MAP3K4: variants seen among roughly 807,000 people sequenced by gnomAD.
MAP3K4 encodes the protein MAP three kinase 1.
In MAP3K4, 67 loss-of-function variants were observed where a neutral mutation model predicts 185.6. That is an observed-to-expected ratio of 0.36 (90% CI 0.30 to 0.44). The LOEUF is 0.44. Among genes scored for constraint, MAP3K4 ranks in the 20% least tolerant of loss-of-function variants. MAP3K4 has a pLI of 1.00. For missense variants in MAP3K4, 1,551 were observed against 1,995.1 expected (o/e 0.78, Z 4.24); for synonymous variants, 702 against 710.4 (o/e 0.99, Z 0.19).
At chr6:161,021,916 T>G (rs538057298) in intron 1 of MAP3K4, among the ~76,000 whole-genome samples, 1 of 150,964 alleles carries the variant, frequency 6.6e-6, no homozygotes, top group Non-Finnish European at 1.5e-5. Flanking sequence ...ATTATTAGAA[T>G]AAAGACCCAA....
rs1205977453 is a variant in MAP3K4, at chr6:161,073,003, T to C, written c.1951-463T>C. ...TGGTAGACTGGGCCACAAATCACAGTAGGTAAACTATGCTAAATTATTGCG... is the reference window on the plus strand; with the variant it reads ...TGGTAGACTGGGCCACAAATCACAGCAGGTAAACTATGCTAAATTATTGCG... On this transcript the variant is annotated intron_variant, in intron 4 of 26. Coordinates refer to ENST00000392142, the MANE Select transcript of MAP3K4 (RefSeq NM_005922.4). The surrounding 1 kb of genome is among the most constrained non-coding windows in gnomAD (Gnocchi z 4.2). Among the ~76,000 whole-genome samples, 1 of 152,236 alleles carries C rather than the reference T, an allele frequency of 6.6e-6. No homozygotes were observed. Among genetic ancestry groups the C allele is most frequent in the Non-Finnish European group, 1.5e-5 (1 of 68,042 alleles).
intron 2 of MAP3K4, among the ~76,000 whole-genome samples, chr6:161,036,078 A>G (rs1783151262): frequency 6.6e-6 from 1 of 152,210 alleles, no homozygotes; most frequent in Non-Finnish European, 1.5e-5. Flanking sequence ...TCTTTCACTA[A>G]TCAGTGAGAC....
Position 161,070,633 on chromosome 6 carries a change from G to T in MAP3K4, c.1733G>T (p.Trp578Leu), listed in dbSNP as rs1784896161. The T allele has an allele frequency of 6.2e-7, 1 of 1,613,682 alleles. No homozygotes were observed. ...TTTTCTGAATTTCCAGATCCCATGT[G>T]GGGTTCAGATTATGTGCAGTTGTCA... ...VEFSEFPDPM[W>L]GSDYVQLSRT... is the part of the protein sequence containing the mutation. Residue 578 changes from tryptophan (W) to leucine (L), a missense_variant, in exon 4 of 27, where the codon TGG becomes TTG. Trp to Leu is a moderately conservative substitution (Grantham distance 61). Coordinates refer to ENST00000392142, the MANE Select transcript of MAP3K4 (RefSeq NM_005922.4). This position sits in a 1 kb window ranked among gnomAD's most constrained non-coding sequence, Gnocchi z 4.5.
At chr6:161,052,507 A>T (rs1024203431) in intron 3 of MAP3K4, among the ~76,000 whole-genome samples, 1 of 152,202 alleles carries the variant, frequency 6.6e-6, no homozygotes, top group Admixed American at 6.5e-5. Flanking sequence ...TCAAAAAATG[A>T]ACTACAGAAG....
chr6:161,040,327 A>C (rs868102456), intron 2 of MAP3K4, among the ~76,000 whole-genome samples: 3 of 152,202 alleles, frequency 2.0e-5, no homozygotes, highest in Non-Finnish European at 4.4e-5. Flanking sequence ...TGTGTGTGCA[A>C]CCTACACACA....
rs189757597 is a variant in MAP3K4, at chr6:161,082,052, G to A, written c.2255+1014G>A. Among the ~76,000 whole-genome samples the A allele has an allele frequency of 7.0e-3, 1,069 of 151,872 alleles. 9 individuals carry two copies. The highest frequency in any genetic ancestry group is 0.024 in the African/African-American group (1,013 of 41,402). On this transcript the variant is annotated intron_variant, in intron 6 of 26. Coordinates refer to ENST00000392142, the MANE Select transcript of MAP3K4 (RefSeq NM_005922.4). This position sits in a 1 kb window ranked among gnomAD's most constrained non-coding sequence, Gnocchi z 4.2. ...GCCGATTTCTCCTATGTTCAGTCTC[G>A]GAATCTCGTATCCACTTCTCTGTTC...
At chr6:161,047,784 A>G (rs554044065) in intron 2 of MAP3K4, among the ~76,000 whole-genome samples, 1 of 152,344 alleles carries the variant, frequency 6.6e-6, no homozygotes, top group South Asian at 2.1e-4. Context: ...TAGAGCAATT[A>G]ATAGTGTTAA....
Position 161,091,338 on chromosome 6 carries a change from A to G in MAP3K4, c.2974-41A>G. 6.4e-7 allele frequency: 1 copy of G among 1,565,376 alleles called. No homozygotes were observed. Among genetic ancestry groups the G allele is most frequent in the Non-Finnish European group, 8.7e-7 (1 of 1,146,204 alleles). On this transcript the variant is annotated intron_variant, in intron 11 of 26. Transcript: ENST00000392142. The surrounding 1 kb of genome is among the most constrained non-coding windows in gnomAD (Gnocchi z 5.5). ...TTTAAAATGTGGTAAGTATTGTATG[A>G]TTTGCTTCATTTTGCATTAATCATG...
chr6:161,026,414 CA>C (rs1782663090), intron 1 of MAP3K4, among the ~76,000 whole-genome samples: 1 of 152,030 alleles, frequency 6.6e-6, no homozygotes, highest in African/African-American at 2.4e-5. Flanking sequence ...GGATTACAGG[CA>C]TGAGCCACCG....
At position 161,091,956 on chromosome 6, in the gene MAP3K4, A is replaced by G; in HGVS notation, c.3136-54A>G. 1.4e-6 allele frequency: 2 copies of G among 1,428,186 alleles called. No individual in the cohort carries two copies. Among genetic ancestry groups the G allele is most frequent in the Non-Finnish European group, 2.0e-6 (2 of 1,013,816 alleles). 88.5% of individuals were successfully genotyped at this position (1,428,186 alleles called of 1,614,324 possible). On this transcript the variant is annotated intron_variant, in intron 12 of 26. Transcript: ENST00000392142. The surrounding 1 kb of genome is among the most constrained non-coding windows in gnomAD (Gnocchi z 5.5). ...TTTAGACATGGCATTATAGTGTGTG[A>G]TATTATTTAATGATCATTTCCTTAA...
intron 1 of MAP3K4, among the ~76,000 whole-genome samples, chr6:161,023,799 G>T (rs1450919578): frequency 6.6e-6 from 1 of 152,160 alleles, no homozygotes. Flanking sequence ...TATCTGTAAA[G>T]AATTGCTTAA....
chr6:161,104,059 TA>T (rs1777944150), intron 19 of MAP3K4, among the ~76,000 whole-genome samples: 1 of 152,276 alleles, frequency 6.6e-6, no homozygotes, highest in South Asian at 2.1e-4. Flanking sequence ...TGTGGTCAAG[TA>T]AACTTGGGAA....
At chr6:161,044,620 A>G (rs1408823824) in intron 2 of MAP3K4, among the ~76,000 whole-genome samples, 2 of 151,942 alleles carry the variant, frequency 1.3e-5, no homozygotes, top group Non-Finnish European at 2.9e-5. Context: ...GCCAGAAAGC[A>G]CTCTTGGATT....
chr6:161,070,869 T>A lies in MAP3K4; in HGVS notation c.1950+19T>A, dbSNP rs377590680. The A allele has an allele frequency of 6.9e-5, 109 of 1,577,980 alleles. No homozygotes were observed. The African/African-American group carries it at 1.4e-3, about 20-fold the overall frequency. On this transcript the variant is annotated intron_variant, in intron 4 of 26. Coordinates refer to ENST00000392142, the MANE Select transcript of MAP3K4 (RefSeq NM_005922.4). This position sits in a 1 kb window ranked among gnomAD's most constrained non-coding sequence, Gnocchi z 4.5. Reference sequence around the variant, plus strand: ...TAAGCAGGTTTGCTTCAAAGACTCTTTAAAATATTTAGCAATTATTATATT... The same window carrying A: ...TAAGCAGGTTTGCTTCAAAGACTCTATAAAATATTTAGCAATTATTATATT...
chr6:161,093,144 G>GT lies in MAP3K4; in HGVS notation c.3348+95dup, dbSNP rs903580772. 8.2e-6 allele frequency: 7 copies of GT among 849,104 alleles called. No homozygotes were observed. The highest frequency in any genetic ancestry group is 3.5e-5 in the African/African-American group (2 of 57,754). 52.6% of individuals were successfully genotyped at this position (849,104 alleles called of 1,614,324 possible). A position where few individuals can be genotyped will look rare whatever the true frequency, so the allele number is the denominator to read the frequency against. ...TGTATATGTTTTATATGTAATAGTG[G>GT]TTTTTTTCATGAGATATTAATCTCA... On this transcript the variant is annotated intron_variant, in intron 14 of 26. Transcript: ENST00000392142. The surrounding 1 kb of genome is among the most constrained non-coding windows in gnomAD (Gnocchi z 5.2).
At chr6:161,046,780 C>T (rs1281615667) in intron 2 of MAP3K4, among the ~76,000 whole-genome samples, 1 of 150,822 alleles carries the variant, frequency 6.6e-6, no homozygotes, top group Non-Finnish European at 1.5e-5. Flanking sequence ...TGGTTTGTAA[C>T]CCATGTAAAT....
At position 161,101,951 on chromosome 6, in the gene MAP3K4, G is replaced by A; in HGVS notation, c.3734G>A (p.Arg1245Lys). ...LASIAAELQF[R>K]SLSRHSSPTE... ...TCCATAGCTGCTGAATTGCAGTTTA[G>A]GTCCCTGAGTCGTCACTCAAGCCCC... The change falls in exon 18 of 27, where the codon AGG (arginine) becomes AAG (lysine). Residue 1245 changes from arginine to lysine, a missense_variant. Physicochemically the swap from Arg to Lys is conservative, Grantham distance 26 (BLOSUM62 2). Coordinates refer to ENST00000392142, the MANE Select transcript of MAP3K4 (RefSeq NM_005922.4). The surrounding 1 kb of genome is among the most constrained non-coding windows in gnomAD (Gnocchi z 5.1). The A allele has an allele frequency of 6.2e-7, 1 of 1,614,154 alleles. No homozygotes were observed. Among genetic ancestry groups the A allele is most frequent in the Non-Finnish European group, 8.5e-7 (1 of 1,180,018 alleles).
Position 161,109,427 on chromosome 6 carries a change from A to G in MAP3K4, c.4237-328A>G, listed in dbSNP as rs912627802. ...GATGTGTTTCAGTACTTAATAATGT[A>G]TTTGTAGGGACAGCCCTGTTGGTCC... On this transcript the variant is annotated intron_variant, in intron 22 of 26. Coordinates refer to ENST00000392142, the MANE Select transcript of MAP3K4 (RefSeq NM_005922.4). The surrounding 1 kb of genome is among the most constrained non-coding windows in gnomAD (Gnocchi z 5.7). Among the ~76,000 whole-genome samples, 2 of 152,178 alleles carry G rather than the reference A, an allele frequency of 1.3e-5. No individual in the cohort carries two copies. The highest frequency in any genetic ancestry group is 4.8e-5 in the African/African-American group (2 of 41,438).
chr6:161,050,347 G>C (rs1783945809), intron 3 of MAP3K4, among the ~76,000 whole-genome samples: 1 of 152,206 alleles, frequency 6.6e-6, no homozygotes, highest in Non-Finnish European at 1.5e-5. Flanking sequence ...GTTTATAAAT[G>C]AATAGGGCGC....
Sources: gnomAD v4.1 joint callset for allele counts (sites outside exome capture counted in the v4.1 genomes callset) on GRCh38, gnomAD v4.1.1 for gene constraint, Gnocchi (gnomAD v3.1) non-coding constraint, MANE v1.5 for transcripts, NCBI Gene and HGNC (gene_info 2026-07-23, HGNC 2026-07-21) for gene names.